Variants in BST1 observed in about 807,000 individuals in gnomAD.
BST1 encodes the protein ADP-ribosyl cyclase/cyclic ADP-ribose hydrolase 2.
In BST1, 49 loss-of-function variants were observed where a neutral mutation model predicts 40.6. The observed-to-expected ratio is 1.21, with a 90% CI of 0.96 to 1.53. The LOEUF is 1.53. Among genes scored for constraint, BST1 ranks in the 40% most tolerant of loss-of-function variants. The pLI is 0.00. For synonymous variants in BST1, 157 were observed against 159.3 expected (o/e 0.99, Z 0.11); for missense variants, 423 against 395.9 (o/e 1.07, Z -0.58).
At chr4:15,764,873 G>GGTGTGTGTGTGTGT in the BST1 span, among the ~76,000 whole-genome samples, 435 of 137,454 alleles carry the variant, frequency 3.2e-3, 3 homozygotes, top group Middle Eastern at 0.011. Context: ...AATTAGGTGA[G>GGTGTGTGTGTGTGT]GTGTGTGTGT....
chr4:15,758,284 T>C, the BST1 span, among the ~76,000 whole-genome samples: 5 of 152,088 alleles, frequency 3.3e-5, no homozygotes, highest in African/African-American at 1.2e-4. Context: ...TTTTCAGCCG[T>C]CCCTCCCCTT....
At chr4:15,703,552 CT>C (rs955023444) in intron 1 of BST1, among the ~76,000 whole-genome samples, 18 of 141,992 alleles carry the variant, frequency 1.3e-4, no homozygotes, top group Non-Finnish European at 2.6e-4. Flanking sequence ...TGTGCGGGGT[CT>C]AGAGATGAGT....
the BST1 span, among the ~76,000 whole-genome samples, chr4:15,747,362 C>A: frequency 6.6e-6 from 1 of 152,168 alleles, no homozygotes; most frequent in Non-Finnish European, 1.5e-5. Context: ...TCATGGCTGC[C>A]TTGCTGCCAC....
the BST1 span, among the ~76,000 whole-genome samples, chr4:15,751,664 T>C: frequency 6.6e-6 from 1 of 151,924 alleles, no homozygotes; most frequent in Non-Finnish European, 1.5e-5. Flanking sequence ...TATAGATCTA[T>C]ATTTATATAG....
chr4:15,711,853 T>A lies in BST1; in HGVS notation c.498T>A (p.Asn166Lys), dbSNP rs754732490. The A allele has an allele frequency of 6.2e-7, 1 of 1,614,144 alleles. No individual in the cohort carries two copies. The highest frequency in any genetic ancestry group is 1.3e-5 in the African/African-American group (1 of 75,064). The part of the protein sequence containing the change: ...SCPTSEDCEN[N>K]PVDSFWKRAS... ...CTACATCAGAAGACTGTGAAAATAA[T>A]CCTGTGGATTCCTTTTGGAAAAGGG... The change falls in exon 4 of 9, where the codon AAT (asparagine) becomes AAA (lysine). Residue 166 changes from asparagine (N) to lysine (K), a missense_variant. Transcript: ENST00000265016.
intron 3 of BST1, among the ~76,000 whole-genome samples, chr4:15,709,304 AG>A (rs1233378324): frequency 6.6e-6 from 1 of 152,184 alleles, no homozygotes; most frequent in Non-Finnish European, 1.5e-5. Flanking sequence ...AAAGGCCCTG[AG>A]GTGGGAGCGT....
At chr4:15,740,334 G>A (rs528533423), downstream of BST1, among the ~76,000 whole-genome samples, 115 of 152,296 alleles carry the variant, frequency 7.6e-4, no homozygotes, top group African/African-American at 2.6e-3. Flanking sequence ...TAGGATTATA[G>A]GCATGAGCCA....
intron 7 of BST1, among the ~76,000 whole-genome samples, chr4:15,721,142 G>A (rs934606301): frequency 2.6e-5 from 4 of 152,204 alleles, no homozygotes; most frequent in Admixed American, 2.6e-4. Context: ...CAGGAGCAGA[G>A]AGGATATAAT....
At chr4:15,703,626 T>A (rs1374855530) in intron 1 of BST1, among the ~76,000 whole-genome samples, 1 of 93,354 alleles carries the variant, frequency 1.1e-5, no homozygotes, top group Non-Finnish European at 2.2e-5. Flanking sequence ...GTTCTAGAGG[T>A]GAGGGGGGTG....
chr4:15,714,144 A>G (rs1472080658), intron 4 of BST1, among the ~76,000 whole-genome samples: 1 of 152,184 alleles, frequency 6.6e-6, no homozygotes, highest in East Asian at 1.9e-4. Flanking sequence ...CATAGTGGTG[A>G]TCAGGTATTG....
chr4:15,722,993 G>A (rs1162049969), intron 8 of BST1, 59 bp downstream of exon 8: 1 of 1,493,432 alleles, frequency 6.7e-7, no homozygotes, highest in African/African-American at 1.4e-5. Flanking sequence ...CCTTTCAGAA[G>A]TTTTCAGTTC....
At chr4:15,736,181 C>T, downstream of BST1, 1 of 1,241,270 alleles carries the variant, frequency 8.1e-7, no homozygotes, top group Non-Finnish European at 1.1e-6. Flanking sequence ...GATCTCTCTG[C>T]TTCTGCTTGG....
the BST1 span, among the ~76,000 whole-genome samples, chr4:15,767,269 C>T: frequency 6.6e-6 from 1 of 151,946 alleles, no homozygotes; most frequent in African/African-American, 2.4e-5. Context: ...AAATTGTGTA[C>T]TTCTGGTGGC....
chr4:15,767,267 T>C, the BST1 span, among the ~76,000 whole-genome samples: 1 of 152,032 alleles, frequency 6.6e-6, no homozygotes, highest in Admixed American at 6.6e-5. Flanking sequence ...GAAAATTGTG[T>C]ACTTCTGGTG....
At chr4:15,739,291 G>A (rs767002558), downstream of BST1, among the ~76,000 whole-genome samples, 5 of 152,158 alleles carry the variant, frequency 3.3e-5, no homozygotes, top group Admixed American at 6.5e-5. Flanking sequence ...TTTCTTGGTA[G>A]TCTCTTTAAA....
chr4:15,739,554 C>CGTGTGTGT (rs58171340), downstream of BST1, among the ~76,000 whole-genome samples: 8,885 of 143,946 alleles, frequency 0.062, 310 homozygotes, highest in Middle Eastern at 0.11. Flanking sequence ...GAAGCCAAAC[C>CGTGTGTGT]GTGTGTGTGT....
chr4:15,767,958 G>A, the BST1 span, among the ~76,000 whole-genome samples: 1 of 152,180 alleles, frequency 6.6e-6, no homozygotes, highest in African/African-American at 2.4e-5. Flanking sequence ...TGGCTCCCAG[G>A]AGGAGGGATT....
intron 6 of BST1, among the ~76,000 whole-genome samples, chr4:15,716,693 A>T (rs1186162519): frequency 6.6e-6 from 1 of 152,246 alleles, no homozygotes; most frequent in Non-Finnish European, 1.5e-5. Flanking sequence ...TCCCCTTCTC[A>T]GAAGACAAAT....
In BST1 at chr4:15,707,534, C is replaced by T. The variant is rs147794509; in HGVS notation, c.339C>T (p.His113=). The T allele has an allele frequency of 2.2e-5, 35 of 1,613,790 alleles. No individual in the cohort carries two copies. Among genetic ancestry groups the T allele is most frequent in the Non-Finnish European group, 2.8e-5 (33 of 1,179,968 alleles). ...RDKSLFWENS[H]LLVNSFADNT... ...AGTCCCTGTTCTGGGAAAATAGCCA[C>T]CTCCTTGTTAACAGCTTTGCAGACA... Residue 113 remains histidine (H), a synonymous_variant, in exon 3 of 9, where the codon CAC becomes CAT. Transcript: ENST00000265016.
Sources: gnomAD v4.1 joint callset for allele counts (sites outside exome capture counted in the v4.1 genomes callset) on GRCh38, gnomAD v4.1.1 for gene constraint, MANE v1.5 for transcripts, NCBI Gene and HGNC (gene_info 2026-07-23, HGNC 2026-07-21) for gene names.